The following MIER1 variants were observed in gnomAD, a reference collection of about 807,000 sequenced individuals.
The protein encoded by MIER1 is MIER1 transcriptional regulator.
In MIER1, 40 loss-of-function variants were observed where a neutral mutation model predicts 75.7. That is an observed-to-expected ratio of 0.53 (90% CI 0.41 to 0.69). MIER1 has a LOEUF of 0.69. Among genes scored for constraint, MIER1 ranks in the 30% least tolerant of loss-of-function variants. MIER1 has a pLI of 0.00. For synonymous variants in MIER1, 213 were observed against 223.4 expected, an observed-to-expected ratio of 0.95 and a Z score of 0.42; for missense variants, 574 against 680.2, an observed-to-expected ratio of 0.84 and a Z score of 1.74.
At chr1:66,930,644 G>GT (rs1183679640) in intron 2 of MIER1, among the ~76,000 whole-genome samples, 1 of 151,832 alleles carries the variant, frequency 6.6e-6, no homozygotes, top group Non-Finnish European at 1.5e-5. Flanking sequence ...GTAGTGCAGC[G>GT]TAGTAGTGCG....
chr1:66,931,979 T>A (rs889638606), intron 2 of MIER1, among the ~76,000 whole-genome samples: 3 of 152,194 alleles, frequency 2.0e-5, no homozygotes, highest in African/African-American at 7.2e-5. Context: ...AGTCATATAC[T>A]AAGGCAAGAT....
At chr1:66,948,012 T>C (rs1380136393) in intron 4 of MIER1, 1 of 983,490 alleles carries the variant, frequency 1.0e-6, no homozygotes, top group Non-Finnish European at 1.2e-6. Flanking sequence ...TATTTTTATT[T>C]TTTTTTAACC....
Position 66,925,297 on chromosome 1 carries a change from C to T in MIER1, c.67+202C>T, listed in dbSNP as rs962286785. On this transcript the variant is annotated intron_variant, in intron 1 of 13. Coordinates refer to ENST00000401041, the MANE Select transcript of MIER1 (RefSeq NM_001077700.3). ...CCGGCTGCCAAAGGCGCATGCGCAGCTTCCTCCCTCTGGCCATCGACTGCC... is the reference window on the plus strand; with the variant it reads ...CCGGCTGCCAAAGGCGCATGCGCAGTTTCCTCCCTCTGGCCATCGACTGCC... 8.1e-6 allele frequency: 8 copies of T among 984,966 alleles called. No homozygotes were observed. In the African/African-American group the frequency reaches 1.2e-4, roughly 15 times the overall value. The allele number at this position is 984,966 out of a possible 1,614,324, so 61.0% of individuals were successfully genotyped here.
rs1274788381 is a variant in MIER1, at chr1:66,946,228, CATT to C, written c.274_276del (p.Leu92del). 5.6e-6 allele frequency: 9 copies of C among 1,610,798 alleles called. No individual in the cohort carries two copies. Among genetic ancestry groups the C allele is most frequent in the Non-Finnish European group, 7.6e-6 (9 of 1,179,290 alleles). ...GTTCATGATTTTGATGATGAACGAA[CATT>C]AGAAGAGGAAGAAATGATGGAAGGA... On this transcript the variant is annotated inframe_deletion, in exon 4 of 14. Transcript: ENST00000401041.
In MIER1 at chr1:66,984,934, T is replaced by C; in HGVS notation, c.*34T>C. The C allele has an allele frequency of 1.3e-6, 2 of 1,531,412 alleles. No homozygotes were observed. Among genetic ancestry groups the C allele is most frequent in the Non-Finnish European group, 1.7e-6 (2 of 1,145,462 alleles). The allele number at this position is 1,531,412 out of a possible 1,614,324, so 94.9% of individuals were successfully genotyped here. The stretch of plus-strand genomic sequence containing the variant: ...CCTATTTTACTTTCTTTGGAGTAAA[T>C]TCTGGTGTGACTAAAATTTTCAGGG... On this transcript the variant is annotated 3_prime_UTR_variant, in exon 14 of 14. Coordinates refer to ENST00000401041, the MANE Select transcript of MIER1 (RefSeq NM_001077700.3).
intron 13 of MIER1, among the ~76,000 whole-genome samples, chr1:66,983,254 C>G (rs1488453475): frequency 6.6e-6 from 1 of 152,140 alleles, no homozygotes; most frequent in Non-Finnish European, 1.5e-5. Context: ...TATTTTTGAC[C>G]TAATCACAGT....
At chr1:66,976,092 T>G (rs1453207708) in intron 11 of MIER1, among the ~76,000 whole-genome samples, 1 of 149,654 alleles carries the variant, frequency 6.7e-6, no homozygotes, top group African/African-American at 2.5e-5. Context: ...CCCCACCCCC[T>G]GCTGGGGTTC....
At chr1:66,927,306 A>G (rs1347610708) in intron 2 of MIER1, among the ~76,000 whole-genome samples, 1 of 152,120 alleles carries the variant, frequency 6.6e-6, no homozygotes, top group Non-Finnish European at 1.5e-5. Context: ...CAGGCTTTGT[A>G]TAGTGGTTTT....
intron 13 of MIER1, among the ~76,000 whole-genome samples, chr1:66,983,738 T>A (rs1027365682): frequency 1.3e-5 from 2 of 152,212 alleles, no homozygotes; most frequent in South Asian, 4.1e-4. Flanking sequence ...CATCTTTTTT[T>A]TCTTTTTGAG....
chr1:66,961,414 G>A (rs959143945), intron 7 of MIER1, among the ~76,000 whole-genome samples: 1 of 152,144 alleles, frequency 6.6e-6, no homozygotes, highest in African/African-American at 2.4e-5. Flanking sequence ...CTTGCTGAAA[G>A]ATTAAAGGAA....
At chr1:66,960,657 AT>A (rs1335761881) in intron 7 of MIER1, among the ~76,000 whole-genome samples, 1 of 152,088 alleles carries the variant, frequency 6.6e-6, no homozygotes, top group Non-Finnish European at 1.5e-5. Context: ...CTTCAAAAAA[AT>A]TTTTTATGTA....
At chr1:66,951,515 A>G (rs1334549790) in intron 4 of MIER1, among the ~76,000 whole-genome samples, 1 of 151,816 alleles carries the variant, frequency 6.6e-6, no homozygotes. Context: ...TCCTTTTGTT[A>G]CAGTGTAAGA....
Position 66,976,734 on chromosome 1 carries a change from T to A in MIER1, c.1229+12T>A, listed in dbSNP as rs1490861782. The A allele has an allele frequency of 1.3e-6, 2 of 1,570,684 alleles. No homozygotes were observed. Among genetic ancestry groups the A allele is most frequent in the Non-Finnish European group, 1.7e-6 (2 of 1,161,570 alleles). On this transcript the variant is annotated intron_variant, in intron 12 of 13. Coordinates refer to ENST00000401041, the MANE Select transcript of MIER1 (RefSeq NM_001077700.3). ...CATCCTGGTGTAACGTGAGTTAATT[T>A]TTTCCTTAAGAGCTATATATACATT...
chr1:66,979,826 G>A (rs1029056215), intron 12 of MIER1, among the ~76,000 whole-genome samples: 3 of 151,100 alleles, frequency 2.0e-5, no homozygotes, highest in Non-Finnish European at 2.9e-5. Context: ...GTACAGTGGC[G>A]CAATCTCGGC....
chr1:66,958,352 A>G (rs1005217004), intron 5 of MIER1, 132 bp downstream of exon 5: 5 of 579,316 alleles, frequency 8.6e-6, no homozygotes, highest in Non-Finnish European at 1.4e-5. Context: ...AAGATATTAC[A>G]GAAATACATA....
At position 66,986,054 on chromosome 1, in the gene MIER1, A is replaced by G; in HGVS notation, c.*1154A>G. ...TCCCATTTCTGCATTAAATAAACAG[A>G]GGAGGGGGGTCAAGTGATACTTAGA... On this transcript the variant is annotated 3_prime_UTR_variant, in exon 14 of 14. Transcript: ENST00000401041. 9.9e-7 allele frequency: 1 copy of G among 1,012,060 alleles called. No individual in the cohort carries two copies. Among genetic ancestry groups the G allele is most frequent in the Non-Finnish European group, 1.2e-6 (1 of 847,778 alleles). The allele number at this position is 1,012,060 out of a possible 1,614,324, so 62.7% of individuals were successfully genotyped here. A position where few individuals can be genotyped will look rare whatever the true frequency, so the allele number is the denominator to read the frequency against.
chr1:66,928,000 AAAAT>A (rs1361785586), intron 2 of MIER1, among the ~76,000 whole-genome samples: 3 of 152,112 alleles, frequency 2.0e-5, no homozygotes, highest in African/African-American at 7.2e-5. Flanking sequence ...GTGTATCACT[AAAAT>A]AAAATAATAG....
chr1:66,963,778 C>G (rs559391690), intron 8 of MIER1, among the ~76,000 whole-genome samples: 1 of 151,832 alleles, frequency 6.6e-6, no homozygotes. Flanking sequence ...CGTCGTGGCG[C>G]GCACCTGTAA....
intron 11 of MIER1, 135 bp downstream of exon 11, chr1:66,973,126 G>A: frequency 1.7e-6 from 1 of 579,462 alleles, no homozygotes; most frequent in Non-Finnish European, 3.0e-6. Context: ...TATTTAGTGA[G>A]TAATTATAGT....
Sources: allele counts gnomAD v4.1 joint callset (sites outside exome capture counted in the v4.1 genomes callset), GRCh38; gene constraint gnomAD v4.1.1; transcripts MANE v1.5; gene names NCBI Gene and HGNC (gene_info 2026-07-23, HGNC 2026-07-21).